The following KIAA1217 variants were observed in gnomAD, a reference collection of about 807,000 sequenced individuals.
KIAA1217 encodes KIAA1217, also known as sickle tail protein homolog.
A neutral mutation model predicts 163.9 loss-of-function variants in KIAA1217; 88 were observed. The ratio of observed to expected loss-of-function variants is 0.54; its 90% confidence interval spans 0.45 to 0.64. KIAA1217 has a LOEUF of 0.64. KIAA1217 is among the 30% of genes least tolerant of loss of function. The pLI is 0.00. For synonymous variants in KIAA1217, 903 were observed against 923.1 expected (o/e 0.98, Z 0.39); for missense variants, 2,372 against 2,475.0 (o/e 0.96, Z 0.88).
intron 2 of KIAA1217, among the ~76,000 whole-genome samples, chr10:24,010,046 G>A (rs189190920): frequency 2.6e-4 from 39 of 152,112 alleles, no homozygotes; most frequent in Admixed American, 2.6e-3. Context: ...AAGAATGTCT[G>A]TTGCATACTT....
In KIAA1217 at chr10:23,703,938, A is replaced by G. The variant is rs189203861; in HGVS notation, c.-321+8704A>G. ...TTTGTTTTTGTATTGCCAAAGAGCA[A>G]TACAAAAACAAAAACAGGTTGAGAG... On this transcript the variant is annotated intron_variant, in intron 1 of 18. Transcript: ENST00000376462. Among the ~76,000 whole-genome samples, 525 of 151,154 alleles carry G rather than the reference A, an allele frequency of 3.5e-3. 1 individual carries two copies. The highest frequency in any genetic ancestry group is 0.014 in the Middle Eastern group (4 of 294).
At chr10:24,478,548 T>C (rs1305329828) in intron 6 of KIAA1217, among the ~76,000 whole-genome samples, 1 of 152,136 alleles carries the variant, frequency 6.6e-6, no homozygotes, top group Non-Finnish European at 1.5e-5. Flanking sequence ...GCCATTCTAG[T>C]GTCTGAGCTT....
intron 2 of KIAA1217, among the ~76,000 whole-genome samples, chr10:24,108,756 A>T (rs1253423436): frequency 6.6e-6 from 1 of 152,214 alleles, no homozygotes; most frequent in Non-Finnish European, 1.5e-5. Flanking sequence ...TGGAAAGTAG[A>T]TGGGAATCTA....
chr10:24,407,598 C>T (rs187767228), intron 3 of KIAA1217, among the ~76,000 whole-genome samples: 4 of 152,244 alleles, frequency 2.6e-5, no homozygotes, highest in African/African-American at 4.8e-5. Flanking sequence ...TGAGCCCCCA[C>T]GCCCAGCCAA....
At chr10:24,114,872 C>A (rs1037190706) in intron 2 of KIAA1217, among the ~76,000 whole-genome samples, 1 of 152,188 alleles carries the variant, frequency 6.6e-6, no homozygotes, top group Non-Finnish European at 1.5e-5. Flanking sequence ...TTGCTAACTA[C>A]GCCACATCAG....
Position 24,501,479 on chromosome 10 carries a change from C to A in KIAA1217, c.1935C>A (p.Ser645Arg). The A allele has an allele frequency of 1.9e-6, 3 of 1,614,008 alleles. No homozygotes were observed. The highest frequency in any genetic ancestry group is 2.5e-6 in the Non-Finnish European group (3 of 1,179,950). The change falls in exon 9 of 21, where the codon AGC becomes AGA. Residue 645 changes from serine to arginine, a missense_variant. By Grantham distance (110) the Ser-to-Arg change is moderately radical. Coordinates refer to ENST00000376454, the MANE Select transcript of KIAA1217 (RefSeq NM_019590.5). ...PPVGTSAIHMSLLEMRRSVAE... is the reference protein window; with the variant it reads ...PPVGTSAIHMRLLEMRRSVAE... The stretch of plus-strand genomic sequence containing the variant: ...TGGGCACCTCAGCCATCCACATGAG[C>A]CTGCTTGAGATGAGGCGGAGCGTGG...
intron 1 of KIAA1217, among the ~76,000 whole-genome samples, chr10:23,731,337 C>T (rs1317802829): frequency 6.6e-6 from 1 of 152,142 alleles, no homozygotes; most frequent in African/African-American, 2.4e-5. Flanking sequence ...CCTGGGTCCC[C>T]TGTACAAAAA....
At chr10:24,295,922 T>A (rs1266519601) in intron 2 of KIAA1217, among the ~76,000 whole-genome samples, 1 of 152,106 alleles carries the variant, frequency 6.6e-6, no homozygotes, top group Admixed American at 6.5e-5. Context: ...AACGTATATC[T>A]CCTTATGCAA....
intron 1 of KIAA1217, among the ~76,000 whole-genome samples, chr10:23,907,636 C>A (rs532505784): frequency 1.8e-4 from 27 of 152,176 alleles, no homozygotes; most frequent in South Asian, 8.3e-4. Context: ...CTTTCTCAGC[C>A]TTTCTGTTCT....
intron 1 of KIAA1217, among the ~76,000 whole-genome samples, chr10:23,934,719 G>A (rs1488081638): frequency 4.7e-5 from 7 of 148,510 alleles, no homozygotes; most frequent in South Asian, 2.2e-4. Flanking sequence ...CCGGGTTCAC[G>A]CCATTCTCCT....
At chr10:23,910,278 C>T (rs1263104790) in intron 1 of KIAA1217, among the ~76,000 whole-genome samples, 1 of 151,338 alleles carries the variant, frequency 6.6e-6, no homozygotes, top group African/African-American at 2.4e-5. Flanking sequence ...TGCACGTGTA[C>T]CCCAGAACTT....
intron 2 of KIAA1217, among the ~76,000 whole-genome samples, chr10:24,144,382 G>C (rs2064215469): frequency 6.6e-6 from 1 of 152,210 alleles, no homozygotes; most frequent in South Asian, 2.1e-4. Context: ...AATGTAGAGT[G>C]AACTCTGCTA....
intron 2 of KIAA1217, among the ~76,000 whole-genome samples, chr10:24,097,098 G>T (rs558769301): frequency 2.0e-5 from 3 of 152,178 alleles, no homozygotes; most frequent in African/African-American, 7.2e-5. Context: ...GCAATCATGT[G>T]CAAGAAAGAT....
Position 24,513,381 on chromosome 10 carries a change from G to C in KIAA1217, c.2124G>C (p.Glu708Asp). 1 of 1,614,216 alleles carries C rather than the reference G, an allele frequency of 6.2e-7. No individual in the cohort carries two copies. Among genetic ancestry groups the C allele is most frequent in the South Asian group, 1.1e-5 (1 of 91,084 alleles). The change falls in exon 10 of 21, where the codon GAG becomes GAC. Residue 708 changes from glutamate (E) to aspartate (D), a missense_variant. Physicochemically the swap from Glu to Asp is conservative, Grantham distance 45. This residue lies in a region of KIAA1217 where 1,431 missense variants were observed against 1,470.3 expected (regional missense o/e 0.97). Transcript: ENST00000376454. ...DPVQRQRVLV[E>D]QERQKYLHEE... ...TGCAGCGACAGCGCGTCCTAGTGGA[G>C]CAAGAGAGACAAAAATATCTTCATG...
intron 5 of KIAA1217, among the ~76,000 whole-genome samples, chr10:24,458,352 G>A (rs1336273941): frequency 6.6e-6 from 1 of 152,148 alleles, no homozygotes; most frequent in Non-Finnish European, 1.5e-5. Context: ...GTCATTACTT[G>A]GAAGAAGATT....
intron 5 of KIAA1217, among the ~76,000 whole-genome samples, chr10:24,449,119 A>C (rs1411493660): frequency 6.6e-6 from 1 of 152,260 alleles, no homozygotes; most frequent in Non-Finnish European, 1.5e-5. Flanking sequence ...GGACTCTTAC[A>C]GAAATGATTA....
chr10:24,182,318 G>A (rs1206342965), intron 2 of KIAA1217, among the ~76,000 whole-genome samples: 1 of 152,038 alleles, frequency 6.6e-6, no homozygotes, highest in African/African-American at 2.4e-5. Flanking sequence ...CACCTGTAGT[G>A]CCAGCTACGC....
intron 1 of KIAA1217, among the ~76,000 whole-genome samples, chr10:23,863,386 A>G (rs1840044324): frequency 6.6e-6 from 1 of 152,158 alleles, no homozygotes; most frequent in Non-Finnish European, 1.5e-5. Flanking sequence ...TGGGACTTTT[A>G]AGAGCTAATG....
At chr10:23,828,341 C>G (rs866409535) in intron 1 of KIAA1217, among the ~76,000 whole-genome samples, 20 of 152,222 alleles carry the variant, frequency 1.3e-4, no homozygotes, top group African/African-American at 3.6e-4. Flanking sequence ...AGTAGGGACT[C>G]CCTGCTCTCC....
Sources: allele counts gnomAD v4.1 joint callset (sites outside exome capture counted in the v4.1 genomes callset), GRCh38; gene constraint gnomAD v4.1.1; regional missense constraint gnomAD v4.1.1; transcripts MANE v1.5; gene names NCBI Gene and HGNC (gene_info 2026-07-23, HGNC 2026-07-21).